Variants in SLC9A9 observed in about 807,000 individuals in gnomAD.
SLC9A9 encodes the protein sodium/hydrogen exchanger 9.
In SLC9A9, 62 loss-of-function variants were observed where a neutral mutation model predicts 77.8. The observed-to-expected ratio is 0.80, with a 90% CI of 0.65 to 0.98. The LOEUF is 0.98. SLC9A9 is among the 50% of genes least tolerant of loss of function. The probability of loss-of-function intolerance (pLI) is 0.00; values close to 1 mark genes in which losing one functional copy is unlikely to be tolerated. For synonymous variants in SLC9A9, 320 were observed against 283.5 expected (o/e 1.13, Z -1.29); for missense variants, 775 against 774.9 (o/e 1.00, Z 0.00).
chr3:143,439,656 C>T (rs1226750587), intron 12 of SLC9A9, among the ~76,000 whole-genome samples: 1 of 152,150 alleles, frequency 6.6e-6, no homozygotes, highest in Non-Finnish European at 1.5e-5. Flanking sequence ...TAGTTAGGGG[C>T]CAGACTCCTA....
intron 3 of SLC9A9, among the ~76,000 whole-genome samples, chr3:143,796,180 A>T (rs1251450693): frequency 2.0e-5 from 3 of 152,234 alleles, no homozygotes; most frequent in African/African-American, 7.2e-5. Context: ...AAATGTGCAT[A>T]GTCAGGCCGT....
chr3:143,310,166 C>T lies in SLC9A9; in HGVS notation c.1605-41186G>A, dbSNP rs534769167. 1.2e-4 allele frequency among the ~76,000 whole-genome samples: 19 copies of T among 152,262 alleles called. No individual in the cohort carries two copies. In the South Asian group the frequency reaches 2.3e-3, roughly 18 times the overall value. On this transcript the variant is annotated intron_variant, in intron 14 of 15. Transcript: ENST00000316549. ...GAACTGACAGAGGCTGTAGAGTCAA[C>T]TGGAAAGGATTTTTTGGGGCTCCCC...
intron 4 of SLC9A9, among the ~76,000 whole-genome samples, chr3:143,736,181 C>T (rs1020471085): frequency 6.6e-6 from 1 of 152,150 alleles, no homozygotes; most frequent in African/African-American, 2.4e-5. Flanking sequence ...CTGTTCCTAA[C>T]TCTCTACCTC....
At chr3:143,526,378 C>G (rs562548379) in intron 9 of SLC9A9, among the ~76,000 whole-genome samples, 1 of 152,324 alleles carries the variant, frequency 6.6e-6, no homozygotes, top group East Asian at 1.9e-4. Context: ...GCAGGCTGCT[C>G]TGTGGGCATT....
intron 5 of SLC9A9, among the ~76,000 whole-genome samples, chr3:143,691,764 C>T (rs887187120): frequency 2.8e-4 from 43 of 152,062 alleles, no homozygotes; most frequent in Non-Finnish European, 5.9e-5. Flanking sequence ...TGCCTTAAAC[C>T]CTCACTAAAA....
chr3:143,655,529 T>C, intron 5 of SLC9A9: 1 of 985,448 alleles, frequency 1.0e-6, no homozygotes, highest in East Asian at 1.1e-4. Flanking sequence ...CAGATTTTCA[T>C]GCTTCACTTG....
At chr3:143,327,786 G>A (rs1364255671) in intron 14 of SLC9A9, among the ~76,000 whole-genome samples, 1 of 152,132 alleles carries the variant, frequency 6.6e-6, no homozygotes, top group African/African-American at 2.4e-5. Context: ...ATACTGTTCA[G>A]CAATGTGGTA....
intron 6 of SLC9A9, among the ~76,000 whole-genome samples, chr3:143,650,606 C>T (rs989129114): frequency 2.0e-5 from 3 of 152,140 alleles, no homozygotes; most frequent in Non-Finnish European, 2.9e-5. Context: ...TTTTTACTTA[C>T]GATTACCCTT....
At chr3:143,408,375 G>T (rs1257764953) in intron 12 of SLC9A9, among the ~76,000 whole-genome samples, 1 of 152,098 alleles carries the variant, frequency 6.6e-6, no homozygotes, top group Non-Finnish European at 1.5e-5. Context: ...ACAGAGTGAG[G>T]GTATTCAATG....
intron 4 of SLC9A9, among the ~76,000 whole-genome samples, chr3:143,752,679 GT>G (rs77031960): frequency 0.027 from 3,741 of 138,668 alleles, 94 homozygotes; most frequent in African/African-American, 0.078. Flanking sequence ...ATGTGAAAAG[GT>G]TTTTTTTTTT....
At chr3:143,275,138 A>G (rs775550188) in intron 14 of SLC9A9, among the ~76,000 whole-genome samples, 9 of 152,184 alleles carry the variant, frequency 5.9e-5, no homozygotes, top group Non-Finnish European at 1.2e-4. Context: ...GCCTATTTTG[A>G]AAGTCATTTT....
chr3:143,467,915 C>T (rs563464554), intron 11 of SLC9A9, among the ~76,000 whole-genome samples: 30 of 152,282 alleles, frequency 2.0e-4, no homozygotes, highest in African/African-American at 5.3e-4. Flanking sequence ...ATAAATGGAA[C>T]CATGCAGTAT....
chr3:143,813,973 AG>A (rs1481901794), intron 2 of SLC9A9, among the ~76,000 whole-genome samples: 4 of 152,198 alleles, frequency 2.6e-5, no homozygotes, highest in Non-Finnish European at 5.9e-5. Context: ...GTGGGAATGA[AG>A]GTGGTTGCGA....
At chr3:143,775,106 G>A (rs2007648506) in intron 4 of SLC9A9, among the ~76,000 whole-genome samples, 1 of 152,142 alleles carries the variant, frequency 6.6e-6, no homozygotes, top group African/African-American at 2.4e-5. Flanking sequence ...CCCTCTCTAA[G>A]GGGATCAAAA....
intron 11 of SLC9A9, among the ~76,000 whole-genome samples, chr3:143,480,460 A>G (rs552867347): frequency 1.1e-4 from 17 of 152,210 alleles, no homozygotes; most frequent in Non-Finnish European, 2.4e-4. Flanking sequence ...CGTCACAGCA[A>G]TGCTGCTTGT....
chr3:143,759,803 T>G (rs1233429750), intron 4 of SLC9A9, among the ~76,000 whole-genome samples: 1 of 152,150 alleles, frequency 6.6e-6, no homozygotes, highest in Non-Finnish European at 1.5e-5. Context: ...TTTTCTGTTA[T>G]CTTGCAGTTG....
intron 14 of SLC9A9, among the ~76,000 whole-genome samples, chr3:143,325,282 C>G (rs2031554527): frequency 6.6e-6 from 1 of 152,152 alleles, no homozygotes; most frequent in African/African-American, 2.4e-5. Context: ...TGTAAAACAC[C>G]CAACACAGTC....
At chr3:143,452,443 A>G (rs1407700868) in intron 12 of SLC9A9, among the ~76,000 whole-genome samples, 1 of 151,670 alleles carries the variant, frequency 6.6e-6, no homozygotes, top group Non-Finnish European at 1.5e-5. Flanking sequence ...TAGTGTATGA[A>G]ACAACTGACC....
At chr3:143,410,729 CTTTT>C (rs1171785634) in intron 12 of SLC9A9, among the ~76,000 whole-genome samples, 1 of 152,014 alleles carries the variant, frequency 6.6e-6, no homozygotes, top group Non-Finnish European at 1.5e-5. Context: ...TATTTTCAGT[CTTTT>C]TTTACTTTCA....
Sources: gnomAD v4.1 joint callset for allele counts (sites outside exome capture counted in the v4.1 genomes callset) on GRCh38, gnomAD v4.1.1 for gene constraint, MANE v1.5 for transcripts, NCBI Gene and HGNC (gene_info 2026-07-23, HGNC 2026-07-21) for gene names.